TMEM163: variants seen among roughly 807,000 people sequenced by gnomAD.
The protein encoded by TMEM163 is transmembrane protein 163.
In TMEM163, 17 loss-of-function variants were observed where a neutral mutation model predicts 29.3. That is an observed-to-expected ratio of 0.58 (90% CI 0.40 to 0.87). The LOEUF is 0.87. Ranked by LOEUF, TMEM163 falls within the 40% of genes least tolerant of loss-of-function variation. The probability of loss-of-function intolerance (pLI) is 0.00; values close to 1 mark genes in which losing one functional copy is unlikely to be tolerated. For synonymous variants in TMEM163, 157 were observed against 160.6 expected, an observed-to-expected ratio of 0.98 and a Z score of 0.17; for missense variants, 303 against 381.5, an observed-to-expected ratio of 0.79 and a Z score of 1.71.
intron 2 of TMEM163, among the ~76,000 whole-genome samples, chr2:134,698,556 A>G (rs760017270): frequency 2.7e-4 from 41 of 151,648 alleles, no homozygotes; most frequent in Admixed American, 4.6e-4. Flanking sequence ...TTTCTCTTTC[A>G]TTTATTTGTA....
At chr2:134,707,236 C>T (rs1419184176) in intron 2 of TMEM163, among the ~76,000 whole-genome samples, 2 of 152,222 alleles carry the variant, frequency 1.3e-5, no homozygotes, top group African/African-American at 2.4e-5. Flanking sequence ...GACACAGGAG[C>T]TTGCGAAGAG....
chr2:134,555,567 C>T (rs551919228), intron 2 of TMEM163, among the ~76,000 whole-genome samples: 3 of 152,318 alleles, frequency 2.0e-5, no homozygotes, highest in South Asian at 2.1e-4. Context: ...AAGAGACGGG[C>T]GACCAGGCAG....
intron 5 of TMEM163, among the ~76,000 whole-genome samples, chr2:134,496,353 C>T (rs991920135): frequency 6.6e-6 from 1 of 152,168 alleles, no homozygotes; most frequent in Non-Finnish European, 1.5e-5. Flanking sequence ...TGAGCCACCG[C>T]ACCAGGCCGC....
intron 2 of TMEM163, among the ~76,000 whole-genome samples, chr2:134,604,565 A>C (rs1265802047): frequency 6.6e-6 from 1 of 151,510 alleles, no homozygotes; most frequent in Non-Finnish European, 1.5e-5. Flanking sequence ...TGGAGAGAGG[A>C]GAAGAGGGGT....
At chr2:134,635,083 T>C (rs955213012) in intron 2 of TMEM163, among the ~76,000 whole-genome samples, 11 of 152,336 alleles carry the variant, frequency 7.2e-5, no homozygotes, top group African/African-American at 2.2e-4. Flanking sequence ...GACAGTGAGA[T>C]TGGCTTAAAA....
At position 134,496,505 on chromosome 2, in the gene TMEM163, A is replaced by G. The variant is rs117989499; in HGVS notation, c.555+6396T>C. Among the ~76,000 whole-genome samples, 286 of 152,314 alleles carry G rather than the reference A, an allele frequency of 1.9e-3. 3 individuals are homozygous for G. In the East Asian group the frequency reaches 0.021, roughly 11 times the overall value. ...TGGCCTCAAGAGCAGGACACACCAG[A>G]AAACACCTGTTGAATGGATGCACCA... On this transcript the variant is annotated intron_variant, in intron 5 of 7. Transcript: ENST00000281924.
chr2:134,536,177 A>C (rs1425305170), intron 4 of TMEM163, among the ~76,000 whole-genome samples: 1 of 152,214 alleles, frequency 6.6e-6, no homozygotes, highest in East Asian at 1.9e-4. Flanking sequence ...ACAGATAAGG[A>C]AATGGAAGCA....
rs149212721 is a variant in TMEM163, at chr2:134,531,000, G to A, written c.458+19570C>T. 2.0e-3 allele frequency among the ~76,000 whole-genome samples: 309 copies of A among 152,248 alleles called. 1 individual carries two copies. The highest frequency in any genetic ancestry group is 3.9e-3 in the Admixed American group (59 of 15,294). On this transcript the variant is annotated intron_variant, in intron 4 of 7. Transcript: ENST00000281924. ...CTCAACTGTGGTTTGATTCTTTCTG[G>A]CCTGAGCTCCAACTTCTATCAGCTT...
intron 5 of TMEM163, among the ~76,000 whole-genome samples, chr2:134,472,822 A>G (rs752260500): frequency 9.9e-5 from 15 of 152,252 alleles, no homozygotes; most frequent in Non-Finnish European, 2.2e-4. Context: ...AATGTAGATC[A>G]CATTCTATGC....
chr2:134,527,073 G>A lies in TMEM163; in HGVS notation c.458+23497C>T, dbSNP rs938797616. 7.9e-5 allele frequency among the ~76,000 whole-genome samples: 12 copies of A among 152,080 alleles called. No individual in the cohort carries two copies. The South Asian group carries it at 2.5e-3, about 32-fold the overall frequency. ...TCTAGGGAGTTATCAATTAATTCTG[G>A]TAATGAAATCTCCCATATTTCTCAT... On this transcript the variant is annotated intron_variant, in intron 4 of 7. Coordinates refer to ENST00000281924, the MANE Select transcript of TMEM163 (RefSeq NM_030923.5).
chr2:134,693,638 CTG>C (rs1359882470), intron 2 of TMEM163, among the ~76,000 whole-genome samples: 3 of 144,448 alleles, frequency 2.1e-5, no homozygotes, highest in Admixed American at 2.1e-4. Context: ...AAACCTGAAA[CTG>C]AGCCTACAGC....
intron 2 of TMEM163, among the ~76,000 whole-genome samples, chr2:134,575,267 G>A (rs1681527059): frequency 6.6e-6 from 1 of 152,076 alleles, no homozygotes; most frequent in East Asian, 1.9e-4. Context: ...TCTACAGAAT[G>A]GACCCTGATT....
chr2:134,502,846 G>T, intron 5 of TMEM163, 55 bp downstream of exon 5: 1 of 1,531,578 alleles, frequency 6.5e-7, no homozygotes, highest in Non-Finnish European at 9.0e-7. Context: ...ATAAGAGGCA[G>T]CCCAGGGGGC....
intron 4 of TMEM163, among the ~76,000 whole-genome samples, chr2:134,540,599 T>C (rs913519448): frequency 1.3e-5 from 2 of 152,184 alleles, no homozygotes; most frequent in Non-Finnish European, 2.9e-5. Context: ...AATGACCATT[T>C]GGAGAGATAG....
chr2:134,668,329 A>G (rs895955522), intron 2 of TMEM163, among the ~76,000 whole-genome samples: 1 of 152,096 alleles, frequency 6.6e-6, no homozygotes, highest in Non-Finnish European at 1.5e-5. Context: ...CCCGGTGTTG[A>G]GGGGCTGGAA....
At chr2:134,522,403 AAG>A (rs1278780347) in intron 4 of TMEM163, among the ~76,000 whole-genome samples, 2 of 152,268 alleles carry the variant, frequency 1.3e-5, no homozygotes, top group African/African-American at 4.8e-5. Context: ...GCCAGCTGCT[AAG>A]AGAGCACCTA....
rs572900906 is a variant in TMEM163, at chr2:134,567,455, G to T, written c.323-15364C>A. Among the ~76,000 whole-genome samples, 116 of 152,244 alleles carry T rather than the reference G, an allele frequency of 7.6e-4. 1 individual carries two copies. The highest frequency in any genetic ancestry group is 2.7e-3 in the African/African-American group (113 of 41,552). On this transcript the variant is annotated intron_variant, in intron 2 of 7. Coordinates refer to ENST00000281924, the MANE Select transcript of TMEM163 (RefSeq NM_030923.5). ...ACCAGTAATTCCAGCACTTTGGGAGGCCGAGGCGGGAGGATCACCTGAGGT... is the reference window on the plus strand; with the variant it reads ...ACCAGTAATTCCAGCACTTTGGGAGTCCGAGGCGGGAGGATCACCTGAGGT...
chr2:134,520,449 A>G (rs912510871), intron 4 of TMEM163, among the ~76,000 whole-genome samples: 1 of 152,200 alleles, frequency 6.6e-6, no homozygotes. Flanking sequence ...GTATGACCTC[A>G]GGTAAGCTGT....
chr2:134,608,880 A>C (rs1343086850), intron 2 of TMEM163, among the ~76,000 whole-genome samples: 1 of 58,724 alleles, frequency 1.7e-5, no homozygotes, highest in African/African-American at 1.1e-4. Flanking sequence ...ACAGACCCTG[A>C]GAACTGTACT....
Sources: allele counts gnomAD v4.1 joint callset (sites outside exome capture counted in the v4.1 genomes callset), GRCh38; gene constraint gnomAD v4.1.1; transcripts MANE v1.5; gene names NCBI Gene and HGNC (gene_info 2026-07-23, HGNC 2026-07-21).